ESR1: variants seen among roughly 807,000 people sequenced by gnomAD.
ESR1 encodes estrogen receptor 1.
In ESR1, 12 loss-of-function variants were observed where a neutral mutation model predicts 52.7. The ratio of observed to expected loss-of-function variants is 0.23; its 90% CI spans 0.15 to 0.37. The LOEUF is 0.37. Ranked by LOEUF, ESR1 falls within the 10% of genes least tolerant of loss-of-function variation. ESR1 has a pLI of 1.00. For missense variants in ESR1, 584 were observed against 779.7 expected (o/e 0.75, Z 2.99); for synonymous variants, 305 against 316.8 (o/e 0.96, Z 0.39).
chr6:151,817,155 A>G (rs184233412), intron 1 of ESR1, among the ~76,000 whole-genome samples: 5 of 152,316 alleles, frequency 3.3e-5, no homozygotes, highest in Non-Finnish European at 4.4e-5. Context: ...TGGTTGGAAT[A>G]TCCAAATCAA....
intron 2 of ESR1, among the ~76,000 whole-genome samples, chr6:151,749,979 G>T (rs1783781405): frequency 6.6e-6 from 1 of 152,150 alleles, no homozygotes; most frequent in Admixed American, 6.5e-5. Flanking sequence ...TTTATGTAAG[G>T]TGTTAATTGA....
chr6:152,072,039 G>A (rs2048390580), intron 6 of ESR1, among the ~76,000 whole-genome samples: 1 of 151,982 alleles, frequency 6.6e-6, no homozygotes, highest in Non-Finnish European at 1.5e-5. Flanking sequence ...CATGCAATGC[G>A]GGCCATGAGA....
At chr6:151,676,980 A>G (rs1478429299) in intron 1 of ESR1, among the ~76,000 whole-genome samples, 1 of 152,210 alleles carries the variant, frequency 6.6e-6, no homozygotes, top group Admixed American at 6.5e-5. Context: ...GAGAATACCC[A>G]AAAGAGGTTT....
intron 1 of ESR1, among the ~76,000 whole-genome samples, chr6:151,837,372 A>G (rs1401990710): frequency 6.6e-6 from 1 of 152,058 alleles, no homozygotes; most frequent in Non-Finnish European, 1.5e-5. Flanking sequence ...TGCTGGGATT[A>G]CAGGCATGAG....
intron 1 of ESR1, among the ~76,000 whole-genome samples, chr6:151,840,267 T>C (rs942033148): frequency 1.3e-5 from 2 of 152,138 alleles, no homozygotes; most frequent in Non-Finnish European, 2.9e-5. Context: ...GAATCATGCA[T>C]AGGATATTAG....
intron 4 of ESR1, among the ~76,000 whole-genome samples, chr6:151,988,183 C>T (rs947502561): frequency 2.6e-5 from 4 of 152,122 alleles, no homozygotes; most frequent in Non-Finnish European, 4.4e-5. Flanking sequence ...AATTATACAA[C>T]TTACCATAAC....
chr6:151,954,028 C>T (rs180793840), intron 4 of ESR1, among the ~76,000 whole-genome samples: 1 of 152,164 alleles, frequency 6.6e-6, no homozygotes, highest in Admixed American at 6.5e-5. Context: ...TCTTAATTAC[C>T]CCCATTAGGC....
intron 2 of ESR1, among the ~76,000 whole-genome samples, chr6:151,861,298 T>C (rs1788841797): frequency 6.6e-6 from 1 of 152,188 alleles, no homozygotes. Context: ...ATAATAACCT[T>C]TATAATTGCT....
At chr6:152,104,082 G>A (rs899925846), downstream of ESR1, among the ~76,000 whole-genome samples, 31 of 144,200 alleles carry the variant, frequency 2.1e-4, 1 homozygote, top group African/African-American at 7.8e-4. Context: ...CTGCCTGGAA[G>A]GGTTCTTTTA....
chr6:151,748,960 C>T (rs528065272), intron 2 of ESR1, among the ~76,000 whole-genome samples: 91 of 152,058 alleles, frequency 6.0e-4, no homozygotes, highest in African/African-American at 2.2e-3. Flanking sequence ...CAGCATTTAT[C>T]GTATGCTAGG....
chr6:151,771,542 A>G (rs528789418), intron 2 of ESR1, among the ~76,000 whole-genome samples: 2 of 152,188 alleles, frequency 1.3e-5, no homozygotes, highest in African/African-American at 4.8e-5. Flanking sequence ...ATAAAATTGT[A>G]TTTTTTCAAA....
chr6:151,957,589 A>C (rs567828285), intron 4 of ESR1, among the ~76,000 whole-genome samples: 7 of 152,128 alleles, frequency 4.6e-5, no homozygotes, highest in Non-Finnish European at 1.0e-4. Flanking sequence ...GACCCCTGCC[A>C]GTTTTCGGAG....
At position 152,103,190 on chromosome 6, in the gene ESR1, T is replaced by G. The variant is rs1402979463; in HGVS notation, c.*4224T>G. ...CACACTTGTAAACCTCTTTTGCACT[T>G]TGAAAAAGAATCCAGCGGGATGCTC... On this transcript the variant is annotated 3_prime_UTR_variant, in exon 8 of 8. Transcript: ENST00000206249. 2 of 196,838 alleles carry G rather than the reference T, an allele frequency of 1.0e-5. No homozygotes were observed. The highest frequency in any genetic ancestry group is 2.1e-5 in the Non-Finnish European group (2 of 94,640). The allele number at this position is 196,838 out of a possible 1,614,324, so 12.2% of individuals were successfully genotyped here. A position where few individuals can be genotyped will look rare whatever the true frequency, so the allele number is the denominator to read the frequency against.
At chr6:151,766,704 C>A (rs1024133637) in intron 2 of ESR1, among the ~76,000 whole-genome samples, 2 of 151,982 alleles carry the variant, frequency 1.3e-5, no homozygotes, top group Admixed American at 6.5e-5. Flanking sequence ...CTCTTTAGTT[C>A]TTTTAAACTC....
At chr6:151,663,770 C>T (rs1449458151) in intron 1 of ESR1, among the ~76,000 whole-genome samples, 1 of 152,124 alleles carries the variant, frequency 6.6e-6, no homozygotes, top group Admixed American at 6.5e-5. Context: ...ACACACATTG[C>T]AAGTTTTGAT....
intron 1 of ESR1, among the ~76,000 whole-genome samples, chr6:151,668,912 A>T (rs1178937262): frequency 1.3e-5 from 2 of 152,022 alleles, no homozygotes; most frequent in Admixed American, 1.3e-4. Context: ...TAGAGAGAAG[A>T]GCAAGGAGAA....
chr6:151,841,478 T>C (rs1253892038), intron 1 of ESR1, among the ~76,000 whole-genome samples: 1 of 152,184 alleles, frequency 6.6e-6, no homozygotes, highest in East Asian at 1.9e-4. Context: ...CCATTCTTGA[T>C]CATCCTCTCC....
intron 2 of ESR1, among the ~76,000 whole-genome samples, chr6:151,748,748 A>G (rs1783672531): frequency 6.6e-6 from 1 of 152,180 alleles, no homozygotes; most frequent in South Asian, 2.1e-4. Context: ...GATTTGACCT[A>G]TAAGGGGCAA....
chr6:151,781,229 G>C (rs1786510877), intron 2 of ESR1, among the ~76,000 whole-genome samples: 2 of 152,178 alleles, frequency 1.3e-5, no homozygotes, highest in Admixed American at 1.3e-4. Flanking sequence ...AATTTATATT[G>C]AACAGAAATT....
Sources: allele counts gnomAD v4.1 joint callset (sites outside exome capture counted in the v4.1 genomes callset), GRCh38; gene constraint gnomAD v4.1.1; transcripts MANE v1.5; gene names NCBI Gene and HGNC (gene_info 2026-07-23, HGNC 2026-07-21).